The following PRDM5 variants were observed in gnomAD, a reference collection of about 807,000 sequenced individuals.
PRDM5 encodes the protein PR/SET domain 5.
In PRDM5, 56 loss-of-function variants were observed where a neutral mutation model predicts 81.2. That is an observed-to-expected ratio of 0.69 (90% CI 0.56 to 0.86). PRDM5 has a LOEUF of 0.86. Ranked by LOEUF, PRDM5 falls within the 40% of genes least tolerant of loss-of-function variation. PRDM5 has a pLI of 0.00. For missense variants in PRDM5, 697 were observed against 770.1 expected (o/e 0.91, Z 1.12); for synonymous variants, 267 against 256.4 (o/e 1.04, Z -0.39).
chr4:120,698,716 C>T (rs1734883562), intron 15 of PRDM5, among the ~76,000 whole-genome samples: 1 of 152,146 alleles, frequency 6.6e-6, no homozygotes, highest in African/African-American at 2.4e-5. Flanking sequence ...CGACCCTCCA[C>T]CTGGTTTGAC....
chr4:120,857,388 G>GAAATAAAAT (rs1473602519), intron 2 of PRDM5, among the ~76,000 whole-genome samples: 33 of 152,162 alleles, frequency 2.2e-4, no homozygotes, highest in African/African-American at 7.9e-4. Flanking sequence ...GTAGGAAAGG[G>GAAATAAAAT]AAAGATACCT....
intron 14 of PRDM5, among the ~76,000 whole-genome samples, chr4:120,720,154 ATAGGGTATGTGTATAAC>A (rs1386660915): frequency 2.0e-5 from 3 of 152,182 alleles, no homozygotes; most frequent in Admixed American, 1.3e-4. Context: ...CTCTTATATG[ATAGGGTATGTGTATAAC>A]TGGGCCAACA....
At position 120,831,504 on chromosome 4, in the gene PRDM5, C is replaced by T. The variant is rs562948908; in HGVS notation, c.301-10159G>A. ...AACTACATTTCAAATAAAATAAAGA[C>T]AGCTGAGTAAGAAAAATTCAATTGT... is the stretch of plus-strand genomic sequence containing the variant. On this transcript the variant is annotated intron_variant, in intron 3 of 15. Coordinates refer to ENST00000264808, the MANE Select transcript of PRDM5 (RefSeq NM_018699.4). Among the ~76,000 whole-genome samples, 5 of 152,146 alleles carry T rather than the reference C, an allele frequency of 3.3e-5. No homozygotes were observed. In the South Asian group the frequency reaches 1.0e-3, roughly 32 times the overall value.
intron 15 of PRDM5, among the ~76,000 whole-genome samples, chr4:120,708,442 G>C (rs960129908): frequency 2.0e-5 from 3 of 152,082 alleles, no homozygotes; most frequent in African/African-American, 7.2e-5. Flanking sequence ...GAATAGGTAA[G>C]TCTATAGAAG....
At chr4:120,892,823 G>C (rs1032713837) in intron 2 of PRDM5, among the ~76,000 whole-genome samples, 2 of 152,222 alleles carry the variant, frequency 1.3e-5, no homozygotes, top group African/African-American at 4.8e-5. Flanking sequence ...CGTATTGCCT[G>C]ACTGGCTACT....
At chr4:120,904,183 C>A (rs538073429) in intron 2 of PRDM5, among the ~76,000 whole-genome samples, 1 of 768 alleles carries the variant, frequency 1.3e-3, no homozygotes, top group Non-Finnish European at 0.015. Flanking sequence ...GAGGGAGACT[C>A]CTTCTCAAAA....
intron 14 of PRDM5, among the ~76,000 whole-genome samples, chr4:120,734,344 C>T (rs1170621128): frequency 6.6e-6 from 1 of 150,984 alleles, no homozygotes; most frequent in Non-Finnish European, 1.5e-5. Flanking sequence ...ACCAGAGATT[C>T]TTGAATTGTG....
At position 120,798,390 on chromosome 4, in the gene PRDM5, C is replaced by T. The variant is rs1751636785; in HGVS notation, c.1065G>A (p.Lys355=). The T allele has an allele frequency of 1.2e-6, 2 of 1,612,262 alleles. No homozygotes were observed. Among genetic ancestry groups the T allele is most frequent in the Admixed American group, 1.7e-5 (1 of 59,902 alleles). ...KRPYNCEICN[K]SFKRLDQVGA... ...CCACTTGATCAAGCCTCTTGAAAGA[C>T]TTATTACAAATCTCGCAATTATAGG... is the stretch of plus-strand genomic sequence containing the variant. The change falls in exon 10 of 16, where the codon AAG becomes AAA. Residue 355 remains lysine, a synonymous_variant. Transcript: ENST00000264808.
At chr4:120,871,255 C>T (rs72680451) in intron 2 of PRDM5, among the ~76,000 whole-genome samples, 9,969 of 152,294 alleles carry the variant, frequency 0.065, 477 homozygotes, top group Middle Eastern at 0.18. Flanking sequence ...CCGTCTTCCA[C>T]ATGACACCAC....
chr4:120,779,985 T>C (rs146760816), intron 12 of PRDM5, among the ~76,000 whole-genome samples: 1 of 151,958 alleles, frequency 6.6e-6, no homozygotes, highest in East Asian at 1.9e-4. Context: ...TATGTACCCA[T>C]AAAAATTAAA....
chr4:120,893,328 C>T (rs1764269541), intron 2 of PRDM5, among the ~76,000 whole-genome samples: 1 of 152,208 alleles, frequency 6.6e-6, no homozygotes, highest in South Asian at 2.1e-4. Flanking sequence ...TCTGTGTCTC[C>T]CTGCTGCCTT....
At chr4:120,783,032 G>A (rs190308380) in intron 11 of PRDM5, among the ~76,000 whole-genome samples, 3 of 151,918 alleles carry the variant, frequency 2.0e-5, no homozygotes, top group African/African-American at 7.2e-5. Context: ...TTGCCTTTTG[G>A]TTTTCAACAT....
At chr4:120,817,255 A>G (rs1668184578) in intron 5 of PRDM5, among the ~76,000 whole-genome samples, 2 of 152,224 alleles carry the variant, frequency 1.3e-5, no homozygotes, top group African/African-American at 4.8e-5. Context: ...AAGTTTTGAT[A>G]TTCTGAACAT....
chr4:120,744,403 T>G (rs1267276932), intron 14 of PRDM5, among the ~76,000 whole-genome samples: 1 of 152,026 alleles, frequency 6.6e-6, no homozygotes, highest in Non-Finnish European at 1.5e-5. Context: ...ACTCAAAAGC[T>G]AGCAGGAGGC....
intron 1 of PRDM5, among the ~76,000 whole-genome samples, chr4:120,916,117 G>A (rs1216872558): frequency 4.6e-5 from 7 of 152,240 alleles, no homozygotes; most frequent in South Asian, 4.1e-4. Context: ...GGCCAGGCAC[G>A]GTGGTTCATG....
At chr4:120,857,110 C>T (rs1178355452) in intron 2 of PRDM5, among the ~76,000 whole-genome samples, 1 of 152,176 alleles carries the variant, frequency 6.6e-6, no homozygotes, top group Non-Finnish European at 1.5e-5. Context: ...AATCCCAGCA[C>T]TTCAGGAGGA....
chr4:120,912,291 G>A (rs1561705443), intron 1 of PRDM5, among the ~76,000 whole-genome samples: 1 of 152,102 alleles, frequency 6.6e-6, no homozygotes, highest in African/African-American at 2.4e-5. Context: ...TACATTATAT[G>A]CCCCCTACTG....
intron 15 of PRDM5, among the ~76,000 whole-genome samples, chr4:120,704,485 G>A (rs1735823814): frequency 2.0e-5 from 3 of 152,130 alleles, no homozygotes; most frequent in African/African-American, 7.2e-5. Flanking sequence ...ACTCTAGACT[G>A]GAGGTAAACT....
intron 11 of PRDM5, among the ~76,000 whole-genome samples, chr4:120,783,436 C>CA (rs1749325159): frequency 2.6e-5 from 4 of 152,056 alleles, no homozygotes; most frequent in East Asian, 1.9e-4. Context: ...TGAATGAGAA[C>CA]AAAAAAACTG....
Sources: allele counts gnomAD v4.1 joint callset (sites outside exome capture counted in the v4.1 genomes callset), GRCh38; gene constraint gnomAD v4.1.1; transcripts MANE v1.5; gene names NCBI Gene and HGNC (gene_info 2026-07-23, HGNC 2026-07-21).